Variants in SPAG16 observed in about 807,000 individuals in gnomAD.
SPAG16 encodes sperm associated antigen 16.
SPAG16 carries 86 observed loss-of-function variants against 80.4 expected under a neutral mutation model. The observed-to-expected ratio is 1.07, with a 90% CI of 0.90 to 1.28. The LOEUF (loss-of-function observed/expected upper bound fraction) is 1.28, where lower values mean the gene tolerates loss of function less well. Ranked by LOEUF, SPAG16 falls within the 50% of genes most tolerant of loss-of-function variation. The pLI is 0.00. For synonymous variants in SPAG16, 294 were observed against 265.9 expected (o/e 1.11, Z -1.03); for missense variants, 870 against 765.3 (o/e 1.14, Z -1.61).
At chr2:214,357,289 A>G (rs182678089) in intron 15 of SPAG16, among the ~76,000 whole-genome samples, 2 of 152,002 alleles carry the variant, frequency 1.3e-5, no homozygotes, top group East Asian at 3.9e-4. Flanking sequence ...TTCTTTTGGA[A>G]TAATTTCTCT....
chr2:214,174,740 A>T (rs2057009741), intron 15 of SPAG16, among the ~76,000 whole-genome samples: 1 of 151,718 alleles, frequency 6.6e-6, no homozygotes, highest in African/African-American at 2.4e-5. Context: ...TTCCATTTTC[A>T]GTATTTAGCT....
In SPAG16 at chr2:214,307,367, G is replaced by GT. The variant is rs1694990861; in HGVS notation, c.1721-102768dup. Among the ~76,000 whole-genome samples the GT allele has an allele frequency of 3.9e-5, 6 of 151,920 alleles. No homozygotes were observed. In the South Asian group the frequency reaches 1.2e-3, roughly 32 times the overall value. ...TCCTGGTTCATTGATCTTTTGAATG[G>GT]TTTTTCATATCTCAATCTCCTTCAG... On this transcript the variant is annotated intron_variant, in intron 15 of 15. Coordinates refer to ENST00000331683, the MANE Select transcript of SPAG16 (RefSeq NM_024532.5).
At chr2:214,282,091 A>G (rs1576670924) in intron 15 of SPAG16, among the ~76,000 whole-genome samples, 1 of 152,202 alleles carries the variant, frequency 6.6e-6, no homozygotes, top group East Asian at 1.9e-4. Flanking sequence ...ATTGTGATAA[A>G]GGCTCCAGAA....
In SPAG16 at chr2:214,199,728, A is replaced by G. The variant is rs1282697247; in HGVS notation, c.1720+50462A>G. Among the ~76,000 whole-genome samples, 3 of 152,204 alleles carry G rather than the reference A, an allele frequency of 2.0e-5. No individual in the cohort carries two copies. In the East Asian group the frequency reaches 5.8e-4, roughly 29 times the overall value. On this transcript the variant is annotated intron_variant, in intron 15 of 15. Coordinates refer to ENST00000331683, the MANE Select transcript of SPAG16 (RefSeq NM_024532.5). ...TTCACAATATTGTATCTTCCCATCC[A>G]TGAACATGGAATGTGTTTCTATTTG...
intron 15 of SPAG16, among the ~76,000 whole-genome samples, chr2:214,160,474 T>A (rs557242981): frequency 1.3e-4 from 20 of 152,098 alleles, no homozygotes; most frequent in Admixed American, 1.3e-3. Context: ...TCTGTAATCA[T>A]TTTTATCATC....
At position 214,202,095 on chromosome 2, in the gene SPAG16, C is replaced by T. The variant is rs1002704670; in HGVS notation, c.1720+52829C>T. Among the ~76,000 whole-genome samples, 3 of 152,152 alleles carry T rather than the reference C, an allele frequency of 2.0e-5. No individual in the cohort carries two copies. The East Asian group carries it at 5.8e-4, about 29-fold the overall frequency. ...CTTCTGGGCTTGAGTAATCTCCCTGCTGGGCCTGCCAAAGTGCTGGGATTA... is the reference window on the plus strand; with the variant it reads ...CTTCTGGGCTTGAGTAATCTCCCTGTTGGGCCTGCCAAAGTGCTGGGATTA... On this transcript the variant is annotated intron_variant, in intron 15 of 15. Coordinates refer to ENST00000331683, the MANE Select transcript of SPAG16 (RefSeq NM_024532.5).
At chr2:214,355,844 TA>T (rs1698754064) in intron 15 of SPAG16, among the ~76,000 whole-genome samples, 1 of 151,036 alleles carries the variant, frequency 6.6e-6, no homozygotes, top group African/African-American at 2.4e-5. Flanking sequence ...TATGCAGCCA[TA>T]AAAAATGATG....
chr2:213,460,181 T>G (rs1026433550), intron 9 of SPAG16, among the ~76,000 whole-genome samples: 1 of 152,226 alleles, frequency 6.6e-6, no homozygotes, highest in Admixed American at 6.5e-5. Context: ...TACATTTTTT[T>G]TCTTCCATAC....
At chr2:213,453,889 A>T (rs564314013) in intron 9 of SPAG16, among the ~76,000 whole-genome samples, 12 of 152,244 alleles carry the variant, frequency 7.9e-5, no homozygotes, top group Non-Finnish European at 1.8e-4. Flanking sequence ...AACATTGCAG[A>T]GGAAAGATTC....
intron 10 of SPAG16, among the ~76,000 whole-genome samples, chr2:213,676,675 T>C (rs1365057000): frequency 6.6e-6 from 1 of 152,046 alleles, no homozygotes; most frequent in East Asian, 1.9e-4. Flanking sequence ...GCTTATATGC[T>C]GGATTACATT....
At chr2:214,109,420 T>A (rs1038512263) in intron 14 of SPAG16, among the ~76,000 whole-genome samples, 1 of 152,196 alleles carries the variant, frequency 6.6e-6, no homozygotes, top group Admixed American at 6.6e-5. Flanking sequence ...GTCTCAAAGT[T>A]CCCAGTAGAG....
intron 10 of SPAG16, among the ~76,000 whole-genome samples, chr2:213,749,794 ATTTAT>A (rs1342532828): frequency 6.6e-6 from 1 of 152,064 alleles, no homozygotes; most frequent in Non-Finnish European, 1.5e-5. Context: ...TAGGCTATAA[ATTTAT>A]TTTAAAGACT....
At chr2:213,702,458 A>G (rs958338691) in intron 10 of SPAG16, among the ~76,000 whole-genome samples, 1 of 152,230 alleles carries the variant, frequency 6.6e-6, no homozygotes, top group Non-Finnish European at 1.5e-5. Flanking sequence ...GAGGCCAGTG[A>G]GACCACGAAC....
chr2:213,557,453 A>G (rs2059460830), intron 10 of SPAG16, among the ~76,000 whole-genome samples: 1 of 152,024 alleles, frequency 6.6e-6, no homozygotes, highest in African/African-American at 2.4e-5. Flanking sequence ...TTATATGTGT[A>G]TATATAATTA....
chr2:214,033,780 C>G (rs1056805255), intron 13 of SPAG16, among the ~76,000 whole-genome samples: 1 of 152,104 alleles, frequency 6.6e-6, no homozygotes, highest in Non-Finnish European at 1.5e-5. Flanking sequence ...TACCCCTTCA[C>G]CTCTAAATAC....
chr2:213,671,021 T>C (rs1039492762), intron 10 of SPAG16, among the ~76,000 whole-genome samples: 38 of 152,222 alleles, frequency 2.5e-4, no homozygotes, highest in Non-Finnish European at 8.8e-5. Flanking sequence ...TGAAAGCAAC[T>C]ATGCAAATTA....
chr2:213,317,343 A>G lies in SPAG16; in HGVS notation c.523A>G (p.Lys175Glu), dbSNP rs150398419. ...TTTAAAGAAAGATTTGAAGCACTACAAACAAGCAGCTGAGTATGTTATTTT... is the reference window on the plus strand; with the variant it reads ...TTTAAAGAAAGATTTGAAGCACTACGAACAAGCAGCTGAGTATGTTATTTT... ...KNLKKDLKHYKQAADKAREDL... is the reference protein window; with the variant it reads ...KNLKKDLKHYEQAADKAREDL... The change falls in exon 5 of 16, where the codon AAA becomes GAA. Residue 175 changes from lysine (K) to glutamate (E), a missense_variant. By Grantham distance (56) the Lys-to-Glu change is moderately conservative. Transcript: ENST00000331683. 4 of 1,608,956 alleles carry G rather than the reference A, an allele frequency of 2.5e-6. No individual in the cohort carries two copies. The South Asian group carries it at 3.3e-5, about 13-fold the overall frequency.
At chr2:213,313,822 T>C (rs1380571842) in intron 4 of SPAG16, among the ~76,000 whole-genome samples, 1 of 151,848 alleles carries the variant, frequency 6.6e-6, no homozygotes, top group Non-Finnish European at 1.5e-5. Context: ...GTCGCGATAG[T>C]GCTGGGGATT....
At chr2:213,496,644 A>G (rs1411035677) in intron 10 of SPAG16, among the ~76,000 whole-genome samples, 1 of 151,536 alleles carries the variant, frequency 6.6e-6, no homozygotes, top group African/African-American at 2.4e-5. Flanking sequence ...ATTATTATAT[A>G]TGGATATGTA....
Sources: allele counts gnomAD v4.1 joint callset (sites outside exome capture counted in the v4.1 genomes callset), GRCh38; gene constraint gnomAD v4.1.1; transcripts MANE v1.5; gene names NCBI Gene and HGNC (gene_info 2026-07-23, HGNC 2026-07-21).